STAC: variants seen among roughly 807,000 people sequenced by gnomAD.
STAC encodes the protein SH3 and cysteine rich domain, also known as SH3 and cysteine-rich domain-containing protein.
In STAC, 43 loss-of-function variants were observed where a neutral mutation model predicts 48.8. That is an observed-to-expected ratio of 0.88 (90% CI 0.69 to 1.14). The LOEUF (loss-of-function observed/expected upper bound fraction) is 1.14. STAC is among the 50% of genes most tolerant of loss of function. The pLI, the probability that STAC is intolerant of heterozygous loss-of-function variation, is 0.00. For missense variants in STAC, 497 were observed against 504.0 expected, an observed-to-expected ratio of 0.99 and a Z score of 0.13; for synonymous variants, 193 against 179.5, an observed-to-expected ratio of 1.07 and a Z score of -0.60.
intron 2 of STAC, among the ~76,000 whole-genome samples, chr3:36,460,600 G>A (rs897406307): frequency 6.6e-6 from 1 of 152,094 alleles, no homozygotes; most frequent in Non-Finnish European, 1.5e-5. Flanking sequence ...GTGGGTAGAG[G>A]CCAGGGATGC....
At position 36,380,578 on chromosome 3, in the gene STAC, C is replaced by T; in HGVS notation, c.-66C>T. The T allele has an allele frequency of 1.5e-6, 2 of 1,319,288 alleles. No homozygotes were observed. The highest frequency in any genetic ancestry group is 2.1e-6 in the Non-Finnish European group (2 of 940,424). 81.7% of individuals were successfully genotyped at this position (1,319,288 alleles called of 1,614,324 possible). On this transcript the variant is annotated 5_prime_UTR_variant, in exon 1 of 11. Coordinates refer to ENST00000273183, the MANE Select transcript of STAC (RefSeq NM_003149.3). The stretch of plus-strand genomic sequence containing the variant: ...GCTGAGCAGCCTGGCGCGCGGCGGG[C>T]AGGGCGCGCAGGACAGAAGCCTCGC...
intron 2 of STAC, among the ~76,000 whole-genome samples, chr3:36,456,582 T>C (rs868777021): frequency 6.6e-6 from 1 of 152,088 alleles, no homozygotes; most frequent in Non-Finnish European, 1.5e-5. Flanking sequence ...GGAGGTCTAG[T>C]CTCTTACATC....
intron 1 of STAC, among the ~76,000 whole-genome samples, chr3:36,439,523 G>A (rs1253811129): frequency 6.6e-6 from 1 of 152,204 alleles, no homozygotes; most frequent in Non-Finnish European, 1.5e-5. Flanking sequence ...GTGTGATGGT[G>A]TTTACTTTGA....
chr3:36,526,374 GA>G (rs1376517384), intron 8 of STAC, among the ~76,000 whole-genome samples: 3 of 152,136 alleles, frequency 2.0e-5, no homozygotes, highest in African/African-American at 7.2e-5. Flanking sequence ...TTTGGCCAAT[GA>G]AATGAAGCAA....
chr3:36,423,168 T>C (rs932095087), intron 1 of STAC, among the ~76,000 whole-genome samples: 1 of 152,092 alleles, frequency 6.6e-6, no homozygotes, highest in Non-Finnish European at 1.5e-5. Flanking sequence ...GAAGAGAGAA[T>C]GAAGTAGGCA....
intron 10 of STAC, among the ~76,000 whole-genome samples, chr3:36,543,467 G>GA: frequency 6.6e-6 from 1 of 152,198 alleles, no homozygotes; most frequent in Admixed American, 6.5e-5. Context: ...CAGGAAGGTT[G>GA]AAAATAAGCC....
At chr3:36,436,397 G>A (rs373219749) in intron 1 of STAC, among the ~76,000 whole-genome samples, 1 of 152,036 alleles carries the variant, frequency 6.6e-6, no homozygotes, top group African/African-American at 2.4e-5. Flanking sequence ...TCACCCTTAG[G>A]ATAAATTCCA....
chr3:36,486,637 G>A (rs1697824291), intron 5 of STAC, among the ~76,000 whole-genome samples: 1 of 152,188 alleles, frequency 6.6e-6, no homozygotes, highest in South Asian at 2.1e-4. Flanking sequence ...CTACATTCCA[G>A]TTCAAAGACA....
chr3:36,454,596 C>T (rs1286365960), intron 2 of STAC, among the ~76,000 whole-genome samples: 1 of 152,174 alleles, frequency 6.6e-6, no homozygotes, highest in Non-Finnish European at 1.5e-5. Flanking sequence ...TCTCCCCTCT[C>T]CACTCCATCC....
At chr3:36,381,627 T>C (rs2125607983) in intron 1 of STAC, among the ~76,000 whole-genome samples, 1 of 152,316 alleles carries the variant, frequency 6.6e-6, no homozygotes, top group South Asian at 2.1e-4. Flanking sequence ...AGTCCGTGTA[T>C]ACCAGCAAAG....
At chr3:36,449,114 A>G (rs1403914471) in intron 2 of STAC, among the ~76,000 whole-genome samples, 1 of 152,042 alleles carries the variant, frequency 6.6e-6, no homozygotes, top group East Asian at 1.9e-4. Context: ...GTGAGACTTC[A>G]TCTCTTAAAA....
intron 1 of STAC, among the ~76,000 whole-genome samples, chr3:36,390,151 T>C (rs1364638773): frequency 6.6e-6 from 1 of 152,158 alleles, no homozygotes; most frequent in Non-Finnish European, 1.5e-5. Context: ...AGCTCTCCTG[T>C]AAACCACTAG....
At chr3:36,541,778 G>A (rs969036117) in intron 10 of STAC, among the ~76,000 whole-genome samples, 2 of 152,156 alleles carry the variant, frequency 1.3e-5, no homozygotes, top group East Asian at 3.9e-4. Flanking sequence ...TGAGCTACAT[G>A]GTTAGGTATG....
In STAC at chr3:36,462,316, G is replaced by A. The variant is rs1167663725; in HGVS notation, c.388+18676G>A. Among the ~76,000 whole-genome samples the A allele has an allele frequency of 6.6e-5, 10 of 152,184 alleles. No individual in the cohort carries two copies. In the East Asian group the frequency reaches 9.7e-4, roughly 15 times the overall value. On this transcript the variant is annotated intron_variant, in intron 2 of 10. Coordinates refer to ENST00000273183, the MANE Select transcript of STAC (RefSeq NM_003149.3). Reference sequence around the variant, plus strand: ...TGGGGGAAAATTCAGTGTTAGTCACGTTAAAATTGAAATGTTTATTTGACA... The same window carrying A: ...TGGGGGAAAATTCAGTGTTAGTCACATTAAAATTGAAATGTTTATTTGACA...
chr3:36,475,855 C>T (rs1024728243), intron 2 of STAC, among the ~76,000 whole-genome samples: 15 of 152,188 alleles, frequency 9.9e-5, no homozygotes, highest in African/African-American at 3.4e-4. Flanking sequence ...AGCTTTCAGC[C>T]AGCATCCTAG....
At chr3:36,384,492 A>G (rs1490059169) in intron 1 of STAC, among the ~76,000 whole-genome samples, 1 of 152,166 alleles carries the variant, frequency 6.6e-6, no homozygotes, top group Non-Finnish European at 1.5e-5. Flanking sequence ...ACAAACATAA[A>G]CCATTATTTA....
chr3:36,427,136 G>A (rs1448083129), intron 1 of STAC, among the ~76,000 whole-genome samples: 1 of 152,136 alleles, frequency 6.6e-6, no homozygotes, highest in African/African-American at 2.4e-5. Flanking sequence ...AGTCCACAGG[G>A]AATTTTGCAA....
rs143899144 is a variant in STAC at position 36,504,457 on chromosome 3, G to A, written c.831G>A (p.Gln277=). The change falls in exon 7 of 11, where the codon CAG becomes CAA. Residue 277 remains glutamine (Q), a splice_region_variant and synonymous_variant. Transcript: ENST00000273183. ...FRDPAKNINH[Q]GSLSKDPLQM... is the part of the protein sequence containing the mutation. Reference sequence around the variant, plus strand: ...ATCCAGCGAAGAACATAAACCACCAGGTATTTATGGATGTCACAGAAGACA... The same window carrying A: ...ATCCAGCGAAGAACATAAACCACCAAGTATTTATGGATGTCACAGAAGACA... 7 of 1,613,234 alleles carry A rather than the reference G, an allele frequency of 4.3e-6. No individual in the cohort carries two copies. The highest frequency in any genetic ancestry group is 5.9e-6 in the Non-Finnish European group (7 of 1,179,576).
chr3:36,418,642 T>C (rs1212472204), intron 1 of STAC, among the ~76,000 whole-genome samples: 1 of 151,968 alleles, frequency 6.6e-6, no homozygotes, highest in East Asian at 1.9e-4. Context: ...ATAAGTTCAA[T>C]TGTTCATATA....
Sources: allele counts gnomAD v4.1 joint callset (sites outside exome capture counted in the v4.1 genomes callset), GRCh38; gene constraint gnomAD v4.1.1; transcripts MANE v1.5; gene names NCBI Gene and HGNC (gene_info 2026-07-23, HGNC 2026-07-21).